The following NEGR1 variants were observed in gnomAD, a reference collection of about 807,000 sequenced individuals.
The protein encoded by NEGR1 is IgLON family member 4.
NEGR1 carries 10 observed loss-of-function variants against 40.9 expected under a neutral mutation model. That is an observed-to-expected ratio of 0.24 (90% confidence interval 0.15 to 0.42). The LOEUF (loss-of-function observed/expected upper bound fraction) is 0.42, where lower values mean the gene tolerates loss of function less well. Among genes scored for constraint, NEGR1 ranks in the 10% least tolerant of loss-of-function variants. The pLI is 1.00. For missense variants in NEGR1, 352 were observed against 438.9 expected, an observed-to-expected ratio of 0.80 and a Z score of 1.77; for synonymous variants, 185 against 166.8, an observed-to-expected ratio of 1.11 and a Z score of -0.84.
intron 6 of NEGR1, among the ~76,000 whole-genome samples, chr1:71,417,499 A>AG (rs1646364073): frequency 6.6e-6 from 1 of 152,176 alleles, no homozygotes; most frequent in Non-Finnish European, 1.5e-5. Context: ...GATGTCTCTC[A>AG]AGACATCATA....
At chr1:71,836,390 T>C (rs1051245491) in intron 2 of NEGR1, among the ~76,000 whole-genome samples, 5 of 150,462 alleles carry the variant, frequency 3.3e-5, no homozygotes, top group Non-Finnish European at 7.4e-5. Flanking sequence ...GATCGCATCA[T>C]TGCACTCCAG....
At chr1:72,196,058 T>A (rs566241082) in intron 1 of NEGR1, among the ~76,000 whole-genome samples, 27 of 152,092 alleles carry the variant, frequency 1.8e-4, no homozygotes, top group Admixed American at 6.6e-4. Flanking sequence ...TTTAAAAAAA[T>A]TTGTTTTATG....
At chr1:71,850,953 G>C (rs1659580183) in intron 2 of NEGR1, among the ~76,000 whole-genome samples, 2 of 152,204 alleles carry the variant, frequency 1.3e-5, no homozygotes, top group South Asian at 4.2e-4. Context: ...ATTTAGAAAA[G>C]GGTAGTCTCA....
chr1:71,551,649 C>T (rs1472408956), intron 6 of NEGR1, among the ~76,000 whole-genome samples: 4 of 151,530 alleles, frequency 2.6e-5, no homozygotes, highest in Non-Finnish European at 1.5e-5. Context: ...GTAGACATTG[C>T]TAATCAATCA....
In NEGR1 at chr1:71,809,536, T is replaced by C. The variant is rs139139978; in HGVS notation, c.410-33239A>G. 7.0e-4 allele frequency among the ~76,000 whole-genome samples: 107 copies of C among 152,172 alleles called. 1 individual carries two copies. In the East Asian group the frequency reaches 0.019, roughly 27 times the overall value. ...CTTCAAGTTTTTGCAAAGTAATGAGTACAAATGATCAAAAAGGACTAATTG... is the reference window on the plus strand; with the variant it reads ...CTTCAAGTTTTTGCAAAGTAATGAGCACAAATGATCAAAAAGGACTAATTG... On this transcript the variant is annotated intron_variant, in intron 2 of 6. Transcript: ENST00000357731.
chr1:71,977,419 A>C (rs1376270579), intron 1 of NEGR1, among the ~76,000 whole-genome samples: 1 of 152,162 alleles, frequency 6.6e-6, no homozygotes, highest in Non-Finnish European at 1.5e-5. Flanking sequence ...AAGATTATAA[A>C]TAATTGAAGA....
chr1:71,804,637 T>C (rs1233975526), intron 2 of NEGR1, among the ~76,000 whole-genome samples: 1 of 152,200 alleles, frequency 6.6e-6, no homozygotes, highest in Non-Finnish European at 1.5e-5. Flanking sequence ...ACTTATCACT[T>C]CCCCAGTCAA....
chr1:71,578,839 T>A (rs1302633747), intron 6 of NEGR1, among the ~76,000 whole-genome samples: 1 of 152,196 alleles, frequency 6.6e-6, no homozygotes, highest in African/African-American at 2.4e-5. Flanking sequence ...AACAGTGAAG[T>A]AATTACTATT....
chr1:71,714,040 G>T (rs558546541), intron 3 of NEGR1, among the ~76,000 whole-genome samples: 58 of 152,192 alleles, frequency 3.8e-4, no homozygotes, highest in African/African-American at 1.3e-3. Context: ...AAATACCAGA[G>T]ACTGGGTAAT....
chr1:71,566,894 G>A (rs921299800), intron 6 of NEGR1, among the ~76,000 whole-genome samples: 2 of 152,104 alleles, frequency 1.3e-5, no homozygotes, highest in Non-Finnish European at 2.9e-5. Flanking sequence ...TTCTGGCTGT[G>A]TCCTTACAGA....
At chr1:71,713,034 T>C (rs1654156920) in intron 3 of NEGR1, among the ~76,000 whole-genome samples, 1 of 152,230 alleles carries the variant, frequency 6.6e-6, no homozygotes, top group Non-Finnish European at 1.5e-5. Flanking sequence ...GGTAGTCCTT[T>C]ATAGCAGTGT....
intron 1 of NEGR1, among the ~76,000 whole-genome samples, chr1:72,247,616 A>G (rs756286146): frequency 1.5e-4 from 23 of 152,148 alleles, no homozygotes; most frequent in Non-Finnish European, 2.5e-4. Flanking sequence ...CTTGGTCTTC[A>G]TGTCCATATT....
intron 6 of NEGR1, among the ~76,000 whole-genome samples, chr1:71,578,647 T>C (rs1226283461): frequency 6.6e-6 from 1 of 152,102 alleles, no homozygotes; most frequent in Admixed American, 6.6e-5. Flanking sequence ...GGGGGGCTTC[T>C]TGAAACATCC....
chr1:72,140,234 T>TTGC (rs1398696953), intron 1 of NEGR1, among the ~76,000 whole-genome samples: 4 of 151,652 alleles, frequency 2.6e-5, no homozygotes, highest in African/African-American at 9.7e-5. Flanking sequence ...TTTGTTGTTG[T>TTGC]TGTTGTTGTT....
intron 3 of NEGR1, among the ~76,000 whole-genome samples, chr1:71,751,323 T>C (rs905481188): frequency 6.6e-6 from 1 of 152,204 alleles, no homozygotes; most frequent in Non-Finnish European, 1.5e-5. Flanking sequence ...TAGTGCTTAT[T>C]ATAGTTTAGA....
At chr1:71,573,962 G>A (rs1262536909) in intron 6 of NEGR1, among the ~76,000 whole-genome samples, 1 of 152,106 alleles carries the variant, frequency 6.6e-6, no homozygotes, top group African/African-American at 2.4e-5. Flanking sequence ...ACTCCTTTAT[G>A]GGTCTCTTGC....
intron 3 of NEGR1, among the ~76,000 whole-genome samples, chr1:71,746,514 A>T (rs1196685885): frequency 6.6e-6 from 1 of 152,128 alleles, no homozygotes; most frequent in African/African-American, 2.4e-5. Flanking sequence ...ATTATCTTCA[A>T]CTGCTCATTA....
intron 6 of NEGR1, among the ~76,000 whole-genome samples, chr1:71,423,794 A>G (rs761748387): frequency 6.6e-6 from 1 of 150,878 alleles, no homozygotes; most frequent in African/African-American, 2.4e-5. Context: ...TTCTTTGATT[A>G]TATCATTATG....
chr1:72,241,030 C>G (rs1183640545), intron 1 of NEGR1, among the ~76,000 whole-genome samples: 4 of 151,760 alleles, frequency 2.6e-5, no homozygotes, highest in Admixed American at 6.6e-5. Flanking sequence ...ATGCTCAGTT[C>G]TTTAGAGATG....
Sources: gnomAD v4.1 joint callset for allele counts (sites outside exome capture counted in the v4.1 genomes callset) on GRCh38, gnomAD v4.1.1 for gene constraint, MANE v1.5 for transcripts, NCBI Gene and HGNC (gene_info 2026-07-23, HGNC 2026-07-21) for gene names.